The following CTCF variants were observed in gnomAD, a reference collection of about 807,000 sequenced individuals.
CTCF encodes transcriptional repressor CTCF.
CTCF carries 7 observed loss-of-function variants against 72.3 expected under a neutral mutation model. That is an observed-to-expected ratio of 0.10 (90% confidence interval 0.06 to 0.18). The LOEUF (loss-of-function observed/expected upper bound fraction) is 0.18. Among genes scored for constraint, CTCF ranks in the 10% least tolerant of loss-of-function variants. CTCF has a pLI of 1.00. For synonymous variants in CTCF, 374 were observed against 315.8 expected, an observed-to-expected ratio of 1.18 and a Z score of -1.95; for missense variants, 516 against 949.1, an observed-to-expected ratio of 0.54 and a Z score of 6.00.
chr16:67,623,523 TAC>T (rs2052232822), intron 7 of CTCF: 1 of 151,796 alleles, frequency 6.6e-6, no homozygotes, highest in Non-Finnish European at 1.5e-5. Context: ...TGGTTCCAGC[TAC>T]TCAGGAGGCT....
At chr16:67,628,929 G>A (rs1183012058) in intron 9 of CTCF, among the ~76,000 whole-genome samples, 5 of 152,006 alleles carry the variant, frequency 3.3e-5, no homozygotes, top group South Asian at 2.1e-4. Flanking sequence ...GTGCGGTGGC[G>A]GGCCCCTGTA....
chr16:67,572,740 G>A (rs1281791623), intron 2 of CTCF: 3 of 152,206 alleles, frequency 2.0e-5, no homozygotes, highest in Non-Finnish European at 4.4e-5. Context: ...AGGAGTTCCA[G>A]ACCAGCCTGG....
chr16:67,624,994 G>A (rs983463203), intron 7 of CTCF, among the ~76,000 whole-genome samples: 4 of 152,046 alleles, frequency 2.6e-5, no homozygotes, highest in South Asian at 2.1e-4. Context: ...GCGCGATCTC[G>A]GCTCACTGCA....
intron 2 of CTCF, among the ~76,000 whole-genome samples, chr16:67,574,254 CCTCTTTCTTG>C: frequency 6.6e-6 from 1 of 152,310 alleles, no homozygotes; most frequent in Middle Eastern, 3.4e-3. Context: ...TTTCCCACGA[CCTCTTTCTTG>C]GGTTCCATTA....
chr16:67,595,991 G>T (rs1347501939), intron 2 of CTCF, among the ~76,000 whole-genome samples: 1 of 150,480 alleles, frequency 6.6e-6, no homozygotes, highest in Non-Finnish European at 1.5e-5. Context: ...GTCTCTCTCT[G>T]TAGCCAGGCT....
intron 2 of CTCF, among the ~76,000 whole-genome samples, chr16:67,595,623 TATG>T (rs1213158348): frequency 1.3e-5 from 2 of 152,158 alleles, no homozygotes; most frequent in African/African-American, 4.8e-5. Context: ...ATTGGGTTTT[TATG>T]ATAGCCTGTG....
At chr16:67,592,029 CT>C (rs1427057134) in intron 2 of CTCF, among the ~76,000 whole-genome samples, 2 of 152,002 alleles carry the variant, frequency 1.3e-5, no homozygotes, top group Non-Finnish European at 2.9e-5. Context: ...CTTATAATTG[CT>C]TTTTTTCCCC....
intron 2 of CTCF, among the ~76,000 whole-genome samples, chr16:67,594,320 G>T (rs976203568): frequency 6.6e-6 from 1 of 151,404 alleles, no homozygotes; most frequent in Non-Finnish European, 1.5e-5. Flanking sequence ...GGATGTCAAG[G>T]CTGTAGTGAG....
intron 1 of CTCF, among the ~76,000 whole-genome samples, 196 bp downstream of exon 1, chr16:67,562,920 C>G (rs1280716528): frequency 3.9e-5 from 5 of 128,076 alleles, no homozygotes; most frequent in Non-Finnish European, 6.5e-5. Context: ...CCCCCACCCC[C>G]ACGCCCGCCC....
chr16:67,594,615 A>G (rs2051788290), intron 2 of CTCF, among the ~76,000 whole-genome samples: 2 of 152,160 alleles, frequency 1.3e-5, no homozygotes, highest in Admixed American at 6.5e-5. Context: ...TAGTGATGCA[A>G]AGAGAGCAAT....
chr16:67,576,106 A>G (rs1290470650), intron 2 of CTCF, among the ~76,000 whole-genome samples: 1 of 143,390 alleles, frequency 7.0e-6, no homozygotes, highest in African/African-American at 2.6e-5. Flanking sequence ...GGCTGCATGC[A>G]CTCTAGCCTG....
chr16:67,611,468 G>A lies in CTCF; in HGVS notation c.636G>A (p.Leu212=). ...KKTKKTKKSK[L]RYTEEGKDVD... ...CAAAGAAAACCAAAAAGAGCAAACTGCGTTATACAGAGGAGGGCAAAGATG... is the reference window on the plus strand; with the variant it reads ...CAAAGAAAACCAAAAAGAGCAAACTACGTTATACAGAGGAGGGCAAAGATG... Residue 212 remains leucine, a synonymous_variant, in exon 3 of 12, where the codon CTG becomes CTA. Coordinates refer to ENST00000264010, the MANE Select transcript of CTCF (RefSeq NM_006565.4). 6.2e-7 allele frequency: 1 copy of A among 1,614,162 alleles called. No individual in the cohort carries two copies. Among genetic ancestry groups the A allele is most frequent in the Non-Finnish European group, 8.5e-7 (1 of 1,180,036 alleles).
At chr16:67,611,803 G>GA in intron 3 of CTCF, 148 bp from the exon 4 acceptor site, 1 of 914,960 alleles carries the variant, frequency 1.1e-6, no homozygotes, top group South Asian at 1.6e-5. Context: ...AAAGAAGAAG[G>GA]AAATGTATTA....
chr16:67,566,163 A>G (rs537182541), intron 1 of CTCF, among the ~76,000 whole-genome samples: 9 of 152,292 alleles, frequency 5.9e-5, no homozygotes, highest in African/African-American at 1.9e-4. Flanking sequence ...TAAAAAGAAC[A>G]ATAATGGCAA....
At chr16:67,625,181 G>C (rs1358038630) in intron 7 of CTCF, among the ~76,000 whole-genome samples, 1 of 152,016 alleles carries the variant, frequency 6.6e-6, no homozygotes, top group Non-Finnish European at 1.5e-5. Flanking sequence ...ACCCACCTTT[G>C]CCTCCTAAAG....
intron 1 of CTCF, chr16:67,563,686 C>T (rs559575589): frequency 1.3e-5 from 2 of 152,236 alleles, no homozygotes; most frequent in East Asian, 1.9e-4. Flanking sequence ...GCTCAGAGAT[C>T]TCAAAGGGAC....
intron 1 of CTCF, among the ~76,000 whole-genome samples, chr16:67,570,503 C>G (rs1311714272): frequency 6.6e-6 from 1 of 151,274 alleles, no homozygotes; most frequent in Non-Finnish European, 1.5e-5. Flanking sequence ...GGCTGGAGTG[C>G]CGTGGTGCGA....
chr16:67,579,236 A>G (rs936272216), intron 2 of CTCF, among the ~76,000 whole-genome samples: 2 of 152,130 alleles, frequency 1.3e-5, no homozygotes, highest in African/African-American at 4.8e-5. Flanking sequence ...CTGGGCAACA[A>G]GAGTGAAACT....
At chr16:67,585,944 G>A (rs1219418795) in intron 2 of CTCF, among the ~76,000 whole-genome samples, 3 of 151,922 alleles carry the variant, frequency 2.0e-5, no homozygotes, top group Non-Finnish European at 4.4e-5. Context: ...TGTCTTTTGG[G>A]TGTATATAAA....
Sources: gnomAD v4.1 joint callset for allele counts (sites outside exome capture counted in the v4.1 genomes callset) on GRCh38, gnomAD v4.1.1 for gene constraint, MANE v1.5 for transcripts, NCBI Gene and HGNC (gene_info 2026-07-23, HGNC 2026-07-21) for gene names.